The following NCEH1 variants were observed in gnomAD, a reference collection of about 807,000 sequenced individuals.
NCEH1 encodes 2-acetyl MAGE hydrolase.
Under a neutral mutation model 25.4 loss-of-function variants are expected in NCEH1, and 9 were observed. The ratio of observed to expected loss-of-function variants is 0.35; its 90% confidence interval spans 0.21 to 0.62. NCEH1 has a LOEUF of 0.62. Among genes scored for constraint, NCEH1 ranks in the 20% least tolerant of loss-of-function variants. The probability of loss-of-function intolerance (pLI) is 0.72; values close to 1 mark genes in which losing one functional copy is unlikely to be tolerated. For missense variants in NCEH1, 412 were observed against 501.1 expected, an observed-to-expected ratio of 0.82 and a Z score of 1.70; for synonymous variants, 200 against 199.8, an observed-to-expected ratio of 1.00 and a Z score of -0.01.
intron 1 of NCEH1, among the ~76,000 whole-genome samples, chr3:172,675,839 T>C (rs751909560): frequency 1.1e-4 from 16 of 152,190 alleles, no homozygotes; most frequent in Non-Finnish European, 1.9e-4. Flanking sequence ...TACCAAACTC[T>C]AAGTCAGTTA....
At chr3:172,678,247 T>C (rs1299941529) in intron 1 of NCEH1, among the ~76,000 whole-genome samples, 2 of 152,168 alleles carry the variant, frequency 1.3e-5, no homozygotes, top group African/African-American at 2.4e-5. Flanking sequence ...TTAGCATCAG[T>C]ACAAAAGCCC....
intron 2 of NCEH1, 96 bp from the exon 3 acceptor site, chr3:172,645,788 G>C: frequency 1.5e-6 from 1 of 646,708 alleles, no homozygotes; most frequent in Non-Finnish European, 2.6e-6. Context: ...TAGGCTTGGA[G>C]CTAATACTAA....
At chr3:172,697,111 T>A (rs1385652208) in intron 1 of NCEH1, among the ~76,000 whole-genome samples, 1 of 146,246 alleles carries the variant, frequency 6.8e-6, no homozygotes, top group Non-Finnish European at 1.5e-5. Flanking sequence ...TTTTTTGAAG[T>A]ATAGATGGGG....
At chr3:172,697,029 G>A (rs996370573) in intron 1 of NCEH1, among the ~76,000 whole-genome samples, 2 of 151,830 alleles carry the variant, frequency 1.3e-5, no homozygotes, top group Non-Finnish European at 1.5e-5. Flanking sequence ...GGGTTCAAGC[G>A]ATTCTCATGC....
In NCEH1 at chr3:172,687,000, C is replaced by T. The variant is rs570364949; in HGVS notation, c.138+23847G>A. Among the ~76,000 whole-genome samples, 6 of 152,280 alleles carry T rather than the reference C, an allele frequency of 3.9e-5. No homozygotes were observed. In the South Asian group the frequency reaches 1.2e-3, roughly 32 times the overall value. ...GGCTGGAAGTTACGCAAACAGCTTGCTGCTTTTCTGTTTGGGCATCTCCTG... is the reference window on the plus strand; with the variant it reads ...GGCTGGAAGTTACGCAAACAGCTTGTTGCTTTTCTGTTTGGGCATCTCCTG... On this transcript the variant is annotated intron_variant, in intron 1 of 4. Transcript: ENST00000475381.
chr3:172,633,258 A>C lies in NCEH1; in HGVS notation c.*217T>G, dbSNP rs1577047392. 5.1e-5 allele frequency: 28 copies of C among 551,902 alleles called. No homozygotes were observed. The East Asian group carries it at 8.2e-4, about 16-fold the overall frequency. 34.2% of individuals were successfully genotyped at this position (551,902 alleles called of 1,614,324 possible). A position where few individuals can be genotyped will look rare whatever the true frequency, so the allele number is the denominator to read the frequency against. ...ATAACAAGAACAGAGAGATTGGCCC[A>C]CTCTGGGAACCAAATTTACATGTTT... On this transcript the variant is annotated 3_prime_UTR_variant, in exon 5 of 5. Transcript: ENST00000475381.
At chr3:172,661,455 A>T (rs950236334) in intron 1 of NCEH1, among the ~76,000 whole-genome samples, 1 of 152,170 alleles carries the variant, frequency 6.6e-6, no homozygotes, top group Non-Finnish European at 1.5e-5. Flanking sequence ...TTGGCAATGC[A>T]GGCTCTTTTT....
chr3:172,639,373 A>G (rs941267056), intron 3 of NCEH1, among the ~76,000 whole-genome samples: 7 of 152,096 alleles, frequency 4.6e-5, no homozygotes, highest in Non-Finnish European at 4.4e-5. Flanking sequence ...GTTACCTGGC[A>G]TAAGATGAAC....
chr3:172,664,140 G>A (rs1461724820), intron 1 of NCEH1, among the ~76,000 whole-genome samples: 3 of 152,182 alleles, frequency 2.0e-5, no homozygotes, highest in Non-Finnish European at 2.9e-5. Flanking sequence ...AGGAGCTCTT[G>A]TAAGGCAGGC....
rs773860768 is a variant in NCEH1, at chr3:172,711,067, C to T, written c.-83G>A. ...GAGACCTCCGGCAACTTTCTGCCCG[C>T]GGCAGCTGCTCATTCACGCGTTTCT... is the stretch of plus-strand genomic sequence containing the variant. On this transcript the variant is annotated 5_prime_UTR_variant, in exon 1 of 5. Transcript: ENST00000475381. 4 of 1,608,098 alleles carry T rather than the reference C, an allele frequency of 2.5e-6. No homozygotes were observed. Among genetic ancestry groups the T allele is most frequent in the East Asian group, 2.2e-5 (1 of 44,768 alleles).
At chr3:172,677,714 G>A (rs1039350848) in intron 1 of NCEH1, among the ~76,000 whole-genome samples, 10 of 152,248 alleles carry the variant, frequency 6.6e-5, no homozygotes, top group African/African-American at 2.4e-4. Context: ...GGATCACGAG[G>A]TCAGGAGATT....
At chr3:172,650,020 A>AC (rs1481334011) in intron 1 of NCEH1, among the ~76,000 whole-genome samples, 1 of 152,256 alleles carries the variant, frequency 6.6e-6, no homozygotes, top group Non-Finnish European at 1.5e-5. Context: ...AAGAGAGCCC[A>AC]CCTCGAGTTT....
intron 1 of NCEH1, among the ~76,000 whole-genome samples, chr3:172,689,288 C>A (rs1321540270): frequency 2.8e-5 from 3 of 106,724 alleles, no homozygotes; most frequent in Non-Finnish European, 5.2e-5. Flanking sequence ...GATGGAGCTT[C>A]GCTCTTGTTG....
At chr3:172,653,747 T>G (rs1717537926) in intron 1 of NCEH1, among the ~76,000 whole-genome samples, 1 of 76,478 alleles carries the variant, frequency 1.3e-5, no homozygotes, top group African/African-American at 6.0e-5. Context: ...TTTTTTTGTT[T>G]TTTTGTTTTT....
intron 1 of NCEH1, 72 bp downstream of exon 1, chr3:172,710,775 G>A: frequency 6.4e-7 from 1 of 1,551,340 alleles, no homozygotes. Context: ...GAACCCGGCG[G>A]AGGAATTTTG....
chr3:172,641,572 G>A (rs567655806), intron 3 of NCEH1, among the ~76,000 whole-genome samples: 36 of 152,222 alleles, frequency 2.4e-4, no homozygotes, highest in Non-Finnish European at 4.4e-4. Flanking sequence ...ACTCTAGAGG[G>A]CCTCAAGGCA....
intron 3 of NCEH1, among the ~76,000 whole-genome samples, chr3:172,644,252 G>C (rs1440074434): frequency 6.6e-6 from 1 of 152,124 alleles, no homozygotes; most frequent in Non-Finnish European, 1.5e-5. Flanking sequence ...TGACTCTAGG[G>C]CTTTTGGGTG....
Position 172,675,084 on chromosome 3 carries a change from C to T in NCEH1, c.139-26970G>A, listed in dbSNP as rs181639411. Among the ~76,000 whole-genome samples the T allele has an allele frequency of 3.0e-3, 459 of 152,116 alleles. 1 individual carries two copies. Among genetic ancestry groups the T allele is most frequent in the Non-Finnish European group, 5.1e-3 (347 of 67,978 alleles). On this transcript the variant is annotated intron_variant, in intron 1 of 4. Coordinates refer to ENST00000475381, the MANE Select transcript of NCEH1 (RefSeq NM_020792.6). ...CGGCACCTTGGGAGGCCGAGGCGGGCGGATCACTTGAGATCAGGAGTTCGA... is the reference window on the plus strand; with the variant it reads ...CGGCACCTTGGGAGGCCGAGGCGGGTGGATCACTTGAGATCAGGAGTTCGA...
chr3:172,677,760 C>T (rs1216911493), intron 1 of NCEH1, among the ~76,000 whole-genome samples: 1 of 152,198 alleles, frequency 6.6e-6, no homozygotes, highest in African/African-American at 2.4e-5. Context: ...AACCCCGTCT[C>T]TACTAAAAAT....
Sources: gnomAD v4.1 joint callset for allele counts (sites outside exome capture counted in the v4.1 genomes callset) on GRCh38, gnomAD v4.1.1 for gene constraint, MANE v1.5 for transcripts, NCBI Gene and HGNC (gene_info 2026-07-23, HGNC 2026-07-21) for gene names.